ZNF93: variants seen among roughly 807,000 people sequenced by gnomAD.
ZNF93 encodes the protein zinc finger protein 93.
Under a neutral mutation model 45.0 loss-of-function variants are expected in ZNF93, and 29 were observed. The ratio of observed to expected loss-of-function variants is 0.64; its 90% CI spans 0.48 to 0.88. The LOEUF (loss-of-function observed/expected upper bound fraction) is 0.88. Ranked by LOEUF, ZNF93 falls within the 40% of genes least tolerant of loss-of-function variation. ZNF93 has a pLI of 0.00. For missense variants in ZNF93, 578 were observed against 724.0 expected, an observed-to-expected ratio of 0.80 and a Z score of 2.31; for synonymous variants, 223 against 244.6, an observed-to-expected ratio of 0.91 and a Z score of 0.82.
At chr19:19,917,336 C>CT (rs34285651) in intron 3 of ZNF93, among the ~76,000 whole-genome samples, 66,022 of 151,716 alleles carry the variant, frequency 0.44, 19,307 homozygotes, top group African/African-American at 0.82. Context: ...AATACTTATT[C>CT]TTCAAGTTAT....
At chr19:19,929,804 G>T (rs2063367282) in intron 3 of ZNF93, among the ~76,000 whole-genome samples, 2 of 150,878 alleles carry the variant, frequency 1.3e-5, no homozygotes, top group African/African-American at 2.4e-5. Context: ...CGGGCGTAGT[G>T]GCGGGCGCCT....
At chr19:19,913,785 A>T (rs2063316174) in intron 1 of ZNF93, among the ~76,000 whole-genome samples, 1 of 152,112 alleles carries the variant, frequency 6.6e-6, no homozygotes, top group Non-Finnish European at 1.5e-5. Flanking sequence ...TTGTACAGAG[A>T]ATCTCATCTG....
chr19:19,918,496 T>G (rs2063331806), intron 3 of ZNF93, among the ~76,000 whole-genome samples: 1 of 152,150 alleles, frequency 6.6e-6, no homozygotes, highest in Non-Finnish European at 1.5e-5. Context: ...CCAATGGTAT[T>G]TCTAGTTCTA....
At chr19:19,927,693 T>C (rs1474495383) in intron 3 of ZNF93, among the ~76,000 whole-genome samples, 1 of 152,258 alleles carries the variant, frequency 6.6e-6, no homozygotes, top group Non-Finnish European at 1.5e-5. Flanking sequence ...TATGTTACAT[T>C]TTTTAATATG....
intron 1 of ZNF93, among the ~76,000 whole-genome samples, chr19:19,912,267 G>C (rs1356927126): frequency 6.6e-6 from 1 of 152,090 alleles, no homozygotes; most frequent in Non-Finnish European, 1.5e-5. Flanking sequence ...TTTCCTAGTT[G>C]CATAGAGAAC....
intron 1 of ZNF93, among the ~76,000 whole-genome samples, chr19:19,914,264 TA>T (rs2063317645): frequency 1.3e-5 from 2 of 152,322 alleles, no homozygotes; most frequent in South Asian, 4.1e-4. Context: ...AATGCTTATT[TA>T]AATGGGATAG....
Position 19,913,771 on chromosome 19 carries a change from T to C in ZNF93, c.4-1509T>C, listed in dbSNP as rs116128131. On this transcript the variant is annotated intron_variant, in intron 1 of 3. Transcript: ENST00000343769. Reference sequence around the variant, plus strand: ...AAGGCATATTCTCCAGATGCAGGTGTAATTTGTACAGAGAATCTCATCTGA... The same window carrying C: ...AAGGCATATTCTCCAGATGCAGGTGCAATTTGTACAGAGAATCTCATCTGA... Among the ~76,000 whole-genome samples the C allele has an allele frequency of 2.7e-3, 410 of 152,160 alleles. 2 individuals carry two copies. Among genetic ancestry groups the C allele is most frequent in the African/African-American group, 9.4e-3 (391 of 41,498 alleles).
At chr19:19,912,145 C>G (rs564536406) in intron 1 of ZNF93, among the ~76,000 whole-genome samples, 4 of 152,032 alleles carry the variant, frequency 2.6e-5, no homozygotes, top group African/African-American at 9.7e-5. Flanking sequence ...AAGTTGCATA[C>G]TAGTATATAG....
chr19:19,928,287 T>C (rs987408970), intron 3 of ZNF93, among the ~76,000 whole-genome samples: 3 of 152,206 alleles, frequency 2.0e-5, no homozygotes, highest in African/African-American at 7.2e-5. Flanking sequence ...TATTCTGTTC[T>C]TTCATCTGTT....
intron 2 of ZNF93, among the ~76,000 whole-genome samples, chr19:19,916,002 A>G (rs1250067395): frequency 2.0e-5 from 3 of 151,914 alleles, no homozygotes; most frequent in African/African-American, 7.3e-5. Context: ...GCCACCACCA[A>G]TTTTTGATTC....
rs748693496 is a variant in ZNF93, at chr19:19,934,355, C to G, written c.1400C>G (p.Ser467Cys). The G allele has an allele frequency of 6.2e-7, 1 of 1,613,138 alleles. No homozygotes were observed. Among genetic ancestry groups the G allele is most frequent in the Admixed American group, 1.7e-5 (1 of 59,918 alleles). Residue 467 changes from serine (S) to cysteine (C), a missense_variant, in exon 4 of 4, where the codon TCC becomes TGC. Transcript: ENST00000343769. ...ECGKAFNQSS[S>C]LTKHKKIHTG... Reference sequence around the variant, plus strand: ...GGCAAAGCTTTTAACCAGTCCTCATCCCTTACTAAACATAAGAAAATTCAT... The same window carrying G: ...GGCAAAGCTTTTAACCAGTCCTCATGCCTTACTAAACATAAGAAAATTCAT...
Position 19,900,959 on chromosome 19 carries a change from G to T in ZNF93, c.-130G>T. The stretch of plus-strand genomic sequence containing the variant: ...GGCGGGTCCTTTGTCTCTCGGTGCA[G>T]CCGGAGCTCCAGGTCTCCTCTTCAC... On this transcript the variant is annotated 5_prime_UTR_variant, in exon 1 of 4. Coordinates refer to ENST00000343769, the MANE Select transcript of ZNF93 (RefSeq NM_031218.4). 6.8e-7 allele frequency: 1 copy of T among 1,476,714 alleles called. No homozygotes were observed. The highest frequency in any genetic ancestry group is 9.4e-7 in the Non-Finnish European group (1 of 1,067,170). The allele number at this position is 1,476,714 out of a possible 1,614,324, so 91.5% of individuals were successfully genotyped here.
intron 3 of ZNF93, chr19:19,927,069 A>G: frequency 2.5e-6 from 1 of 398,552 alleles, no homozygotes; most frequent in Non-Finnish European, 4.4e-6. Flanking sequence ...AACACATAAC[A>G]TAAAATTTAC....
Position 19,911,603 on chromosome 19 carries a change from C to T in ZNF93, c.4-3677C>T, listed in dbSNP as rs566745187. 6.6e-5 allele frequency among the ~76,000 whole-genome samples: 10 copies of T among 152,098 alleles called. No homozygotes were observed. In the South Asian group the frequency reaches 1.0e-3, roughly 16 times the overall value. On this transcript the variant is annotated intron_variant, in intron 1 of 3. Coordinates refer to ENST00000343769, the MANE Select transcript of ZNF93 (RefSeq NM_031218.4). ...AGAAACTTTTAGTCTAGACTAGCTA[C>T]TGGATAAGTAATTGAAGTGTGCATC...
intron 3 of ZNF93, 51 bp from the exon 4 acceptor site, chr19:19,933,131 A>G: frequency 7.3e-7 from 1 of 1,368,268 alleles, no homozygotes. Context: ...TGTAAAGTAT[A>G]TTTATCTGAG....
intron 1 of ZNF93, among the ~76,000 whole-genome samples, chr19:19,902,237 T>A (rs2122156764): frequency 6.6e-6 from 1 of 152,090 alleles, no homozygotes; most frequent in East Asian, 1.9e-4. Context: ...AAGCTAAGGC[T>A]AATATTAAGC....
chr19:19,917,138 A>G (rs575186642), intron 3 of ZNF93, among the ~76,000 whole-genome samples: 3 of 152,228 alleles, frequency 2.0e-5, no homozygotes, highest in East Asian at 1.9e-4. Flanking sequence ...ATAGTTTGCA[A>G]TTATACATAT....
chr19:19,915,366 G>T lies in ZNF93; in HGVS notation c.90G>T (p.Arg30Ser), dbSNP rs1358166368. 1 of 1,614,060 alleles carries T rather than the reference G, an allele frequency of 6.2e-7. No individual in the cohort carries two copies. The highest frequency in any genetic ancestry group is 8.5e-7 in the Non-Finnish European group (1 of 1,179,976). ...CLDTAQRNLY[R>S]NVMLENYSNL... ...ACACTGCACAGCGGAATCTATATAG[G>T]AATGTGATGTTAGAGAACTACAGTA... is the stretch of plus-strand genomic sequence containing the variant. The change falls in exon 2 of 4, where the codon AGG (arginine) becomes AGT (serine). Residue 30 changes from arginine to serine, a missense_variant. Arg to Ser is a moderately radical substitution (Grantham distance 110). Around this residue, in one of 3 missense-constraint regions of ZNF93, gnomAD observed 446 missense variants for 547.6 expected, o/e 0.81. Coordinates refer to ENST00000343769, the MANE Select transcript of ZNF93 (RefSeq NM_031218.4).
chr19:19,931,906 T>C lies in ZNF93; in HGVS notation c.227-1276T>C, dbSNP rs1312121653. On this transcript the variant is annotated intron_variant, in intron 3 of 3. Coordinates refer to ENST00000343769, the MANE Select transcript of ZNF93 (RefSeq NM_031218.4). ...TACATACATCTTAAAGTTAAAACAA[T>C]ATATTTTAATCTCATAACAACTTCA... 6 of 290,478 alleles carry C rather than the reference T, an allele frequency of 2.1e-5. No homozygotes were observed. The East Asian group carries it at 4.1e-4, about 20-fold the overall frequency. 18.0% of individuals were successfully genotyped at this position (290,478 alleles called of 1,614,324 possible).
Sources: gnomAD v4.1 joint callset for allele counts (sites outside exome capture counted in the v4.1 genomes callset) on GRCh38, gnomAD v4.1.1 for gene constraint, gnomAD v4.1.1 regional missense constraint, MANE v1.5 for transcripts, NCBI Gene and HGNC (gene_info 2026-07-23, HGNC 2026-07-21) for gene names.